RSF1: variants seen among roughly 807,000 people sequenced by gnomAD.
The protein encoded by RSF1 is remodeling and spacing factor 1.
A neutral mutation model predicts 145.2 loss-of-function variants in RSF1; 13 were observed. That is an observed-to-expected ratio of 0.09 (90% CI 0.06 to 0.14). The LOEUF (loss-of-function observed/expected upper bound fraction) is 0.14, where lower values mean the gene tolerates loss of function less well. RSF1 is among the 10% of genes least tolerant of loss of function. The pLI is 1.00. For missense variants in RSF1, 1,517 were observed against 1,718.2 expected, an observed-to-expected ratio of 0.88 and a Z score of 2.07; for synonymous variants, 577 against 592.6, an observed-to-expected ratio of 0.97 and a Z score of 0.38.
At chr11:77,813,898 C>T (rs990886330) in intron 1 of RSF1, among the ~76,000 whole-genome samples, 1 of 151,676 alleles carries the variant, frequency 6.6e-6, no homozygotes, top group Non-Finnish European at 1.5e-5. Flanking sequence ...CATCCCTAAA[C>T]TCAGGATAAA....
the RSF1 span, among the ~76,000 whole-genome samples, chr11:77,835,005 C>A: frequency 6.6e-6 from 1 of 152,148 alleles, no homozygotes; most frequent in African/African-American, 2.4e-5. Context: ...CAACAAAAAT[C>A]TGATTTATAA....
intron 7 of RSF1, among the ~76,000 whole-genome samples, chr11:77,694,063 G>A (rs538903247): frequency 1.6e-4 from 25 of 152,040 alleles, no homozygotes; most frequent in Non-Finnish European, 2.8e-4. Flanking sequence ...GATTACAAGC[G>A]TGAGCCACCG....
At chr11:77,685,328 C>T (rs921072823) in intron 9 of RSF1, among the ~76,000 whole-genome samples, 169 bp from the exon 10 acceptor site, 2 of 152,144 alleles carry the variant, frequency 1.3e-5, no homozygotes, top group African/African-American at 2.4e-5. Flanking sequence ...CAAGGTCTCA[C>T]TCTCTTGCCC....
At chr11:77,711,037 G>A (rs1960668222) in intron 5 of RSF1, among the ~76,000 whole-genome samples, 2 of 151,348 alleles carry the variant, frequency 1.3e-5, no homozygotes, top group African/African-American at 4.9e-5. Flanking sequence ...GGGCATTGAG[G>A]ATGCTCACAG....
At chr11:77,840,910 C>T in the RSF1 span, 2 of 364,920 alleles carry the variant, frequency 5.5e-6, no homozygotes, top group Non-Finnish European at 1.0e-5. Context: ...TTTGCCTATA[C>T]TAAATGTCTT....
intron 14 of RSF1, among the ~76,000 whole-genome samples, chr11:77,674,535 T>C (rs1264307510): frequency 2.0e-5 from 3 of 152,104 alleles, no homozygotes; most frequent in Non-Finnish European, 2.9e-5. Context: ...GGTTTAGGAG[T>C]GGAAACATTT....
At chr11:77,806,179 G>C (rs150100702) in intron 1 of RSF1, among the ~76,000 whole-genome samples, 1 of 151,920 alleles carries the variant, frequency 6.6e-6, no homozygotes, top group African/African-American at 2.4e-5. Flanking sequence ...GTCACCCCTG[G>C]TGAAGATCAT....
intron 5 of RSF1, among the ~76,000 whole-genome samples, chr11:77,720,934 G>A (rs143388583): frequency 2.6e-5 from 4 of 152,280 alleles, no homozygotes; most frequent in African/African-American, 9.6e-5. Flanking sequence ...TATTTAGTTG[G>A]TGTCACCATT....
chr11:77,690,693 C>T (rs1296597202), intron 9 of RSF1, among the ~76,000 whole-genome samples: 1 of 152,192 alleles, frequency 6.6e-6, no homozygotes, highest in East Asian at 1.9e-4. Context: ...GCTGGGATTA[C>T]AGGCGGGAGC....
At chr11:77,748,032 G>A (rs1386283684) in intron 2 of RSF1, among the ~76,000 whole-genome samples, 2 of 152,058 alleles carry the variant, frequency 1.3e-5, no homozygotes, top group Non-Finnish European at 2.9e-5. Context: ...TGGAGTACAG[G>A]GAATGGGGTA....
In RSF1 at chr11:77,664,595, G is replaced by A. The variant is rs1212389641; in HGVS notation, c.*2322C>T. 6.6e-6 allele frequency: 1 copy of A among 152,254 alleles called. No individual in the cohort carries two copies. The highest frequency in any genetic ancestry group is 2.4e-5 in the African/African-American group (1 of 41,462). The allele number at this position is 152,254 out of a possible 1,614,324, so 9.4% of individuals were successfully genotyped here. ...GAAGGAGCTGGTGTGTCCAGAGGTA[G>A]AGACAGGGCACATGGGAGAGTTTCC... On this transcript the variant is annotated 3_prime_UTR_variant, in exon 16 of 16. Transcript: ENST00000308488.
chr11:77,704,752 G>GTTTTT (rs1960503410), intron 5 of RSF1, among the ~76,000 whole-genome samples: 2 of 123,552 alleles, frequency 1.6e-5, no homozygotes, highest in African/African-American at 3.4e-5. Context: ...TGTTTGCCTT[G>GTTTTT]GTTTTTTTTT....
chr11:77,765,269 G>C (rs1011540085), intron 1 of RSF1, among the ~76,000 whole-genome samples: 1 of 152,190 alleles, frequency 6.6e-6, no homozygotes, highest in Admixed American at 6.5e-5. Flanking sequence ...AAGGAACCAA[G>C]AAGTATGAAT....
intron 4 of RSF1, among the ~76,000 whole-genome samples, chr11:77,734,228 A>T (rs1024321836): frequency 6.9e-6 from 1 of 145,818 alleles, no homozygotes; most frequent in Non-Finnish European, 1.5e-5. Context: ...GTTTCAACTT[A>T]AAGTATAATT....
intron 4 of RSF1, among the ~76,000 whole-genome samples, chr11:77,739,786 TAC>T (rs1961461410): frequency 6.6e-6 from 1 of 152,206 alleles, no homozygotes; most frequent in Admixed American, 6.5e-5. Flanking sequence ...ATAGTAAAGT[TAC>T]AGTGACAGAA....
intron 4 of RSF1, among the ~76,000 whole-genome samples, chr11:77,731,692 G>A (rs994308083): frequency 6.6e-6 from 1 of 152,390 alleles, no homozygotes; most frequent in South Asian, 2.1e-4. Flanking sequence ...ATGGCTGAAA[G>A]CTGCCAATGC....
chr11:77,671,153 A>ATT (rs1959530379), intron 15 of RSF1, among the ~76,000 whole-genome samples: 2 of 67,290 alleles, frequency 3.0e-5, no homozygotes, highest in African/African-American at 1.9e-4. Context: ...ATATATATAT[A>ATT]TATATATATA....
intron 1 of RSF1, among the ~76,000 whole-genome samples, chr11:77,788,174 A>AAAAAAAAAAAG (rs1948478541): frequency 7.3e-6 from 1 of 137,276 alleles, no homozygotes. Context: ...AAAAAAAAAA[A>AAAAAAAAAAAG]AAATTAGGGG....
chr11:77,706,175 A>G (rs2135860342), intron 5 of RSF1, among the ~76,000 whole-genome samples: 1 of 147,646 alleles, frequency 6.8e-6, no homozygotes, highest in Admixed American at 7.0e-5. Flanking sequence ...CGGGAGGCAG[A>G]GGCTGCAGTG....
Sources: allele counts gnomAD v4.1 joint callset (sites outside exome capture counted in the v4.1 genomes callset), GRCh38; gene constraint gnomAD v4.1.1; transcripts MANE v1.5; gene names NCBI Gene and HGNC (gene_info 2026-07-23, HGNC 2026-07-21).